The following HYCC2 variants were observed in gnomAD, a reference collection of about 807,000 sequenced individuals.
HYCC2 encodes hyccin 2.
At chr2:201,013,479 C>CAA in the HYCC2 span, among the ~76,000 whole-genome samples, 10 of 66,302 alleles carry the variant, frequency 1.5e-4, no homozygotes, top group East Asian at 4.5e-4. Context: ...CACTCCATTT[C>CAA]AAAAAAAAAA....
the HYCC2 span, chr2:201,011,500 T>C: frequency 3.4e-6 from 4 of 1,176,616 alleles, no homozygotes; most frequent in African/African-American, 1.8e-5. Context: ...ACAAAGATAA[T>C]GAAATAATCA....
At chr2:201,051,261 TC>T in the HYCC2 span, among the ~76,000 whole-genome samples, 2 of 152,092 alleles carry the variant, frequency 1.3e-5, no homozygotes, top group Non-Finnish European at 2.9e-5. Context: ...ATAGCAAGTA[TC>T]ACAATGGTAA....
At chr2:201,028,490 G>A in the HYCC2 span, among the ~76,000 whole-genome samples, 1 of 152,144 alleles carries the variant, frequency 6.6e-6, no homozygotes, top group African/African-American at 2.4e-5. Flanking sequence ...AACCAAAAAT[G>A]AGCCCATATT....
At chr2:201,014,143 T>C in the HYCC2 span, among the ~76,000 whole-genome samples, 1 of 152,240 alleles carries the variant, frequency 6.6e-6, no homozygotes, top group African/African-American at 2.4e-5. Context: ...CAACAACTTG[T>C]CAAACATGAC....
At chr2:201,017,041 T>C in the HYCC2 span, 3 of 1,614,144 alleles carry the variant, frequency 1.9e-6, no homozygotes, top group South Asian at 3.3e-5. Flanking sequence ...TTACTCTGTC[T>C]GTCTCGGCTA....
At chr2:200,999,575 C>A in the HYCC2 span, among the ~76,000 whole-genome samples, 6 of 150,806 alleles carry the variant, frequency 4.0e-5, no homozygotes, top group Non-Finnish European at 7.4e-5. Context: ...TTTTTAGTAG[C>A]GACAGGGTTT....
At chr2:201,056,759 T>G in the HYCC2 span, among the ~76,000 whole-genome samples, 1 of 151,456 alleles carries the variant, frequency 6.6e-6, no homozygotes, top group Non-Finnish European at 1.5e-5. Flanking sequence ...CTGTGGTAGA[T>G]GATAAAGTAG....
chr2:201,042,658 T>G, the HYCC2 span, among the ~76,000 whole-genome samples: 1 of 148,084 alleles, frequency 6.8e-6, no homozygotes, highest in African/African-American at 2.5e-5. Flanking sequence ...ATCCGGGAAG[T>G]GAGGAGCGTC....
chr2:201,055,455 T>C, the HYCC2 span, among the ~76,000 whole-genome samples: 1 of 151,094 alleles, frequency 6.6e-6, no homozygotes, highest in Non-Finnish European at 1.5e-5. Context: ...TCCCAGCACT[T>C]TGGGAGGCCG....
the HYCC2 span, among the ~76,000 whole-genome samples, chr2:201,069,214 T>C: frequency 6.6e-6 from 1 of 152,150 alleles, no homozygotes; most frequent in Non-Finnish European, 1.5e-5. Context: ...TAAATCTGAA[T>C]TGCATGTCAA....
At chr2:200,992,438 C>G in the HYCC2 span, 1 of 1,054,190 alleles carries the variant, frequency 9.5e-7, no homozygotes, top group Non-Finnish European at 1.5e-6. Flanking sequence ...TTAAATTGTT[C>G]CAAGTCCTGC....
the HYCC2 span, chr2:201,017,238 TAAGGCACC>T: frequency 1.8e-6 from 2 of 1,140,974 alleles, no homozygotes; most frequent in Non-Finnish European, 2.5e-6. Context: ...TTTTTTTTTT[TAAGGCACC>T]TATATCTGTA....
At chr2:201,036,697 C>G in the HYCC2 span, among the ~76,000 whole-genome samples, 58 of 152,252 alleles carry the variant, frequency 3.8e-4, no homozygotes, top group Middle Eastern at 3.4e-3. Context: ...ATTCAACAAC[C>G]CTTCATGCTA....
chr2:201,024,380 T>G, the HYCC2 span, among the ~76,000 whole-genome samples: 2 of 152,054 alleles, frequency 1.3e-5, no homozygotes, highest in Non-Finnish European at 2.9e-5. Flanking sequence ...TCCTAGTTAC[T>G]TGGTACCCAA....
chr2:200,993,327 A>C, the HYCC2 span, among the ~76,000 whole-genome samples: 1 of 152,194 alleles, frequency 6.6e-6, no homozygotes, highest in African/African-American at 2.4e-5. Context: ...AAAATGTCTA[A>C]CTTTTACTCA....
the HYCC2 span, among the ~76,000 whole-genome samples, chr2:201,054,121 G>A: frequency 2.0e-5 from 3 of 152,314 alleles, no homozygotes; most frequent in Admixed American, 6.5e-5. Context: ...TGTACCCAGT[G>A]CTATACGCAT....
the HYCC2 span, among the ~76,000 whole-genome samples, chr2:201,059,282 G>C: frequency 6.6e-6 from 1 of 152,108 alleles, no homozygotes; most frequent in Admixed American, 6.5e-5. Context: ...TGTTTCTCTG[G>C]AAAACCCTGA....
chr2:201,004,844 C>T, the HYCC2 span, among the ~76,000 whole-genome samples: 4 of 151,868 alleles, frequency 2.6e-5, no homozygotes, highest in East Asian at 5.8e-4. Flanking sequence ...AGTGAAACCC[C>T]GTCTCTACTA....
At chr2:201,037,660 A>G in the HYCC2 span, among the ~76,000 whole-genome samples, 2 of 152,368 alleles carry the variant, frequency 1.3e-5, no homozygotes, top group Admixed American at 1.3e-4. Context: ...TTTATTTAAT[A>G]AATGGTGCTG....
Sources: allele counts gnomAD v4.1 joint callset (sites outside exome capture counted in the v4.1 genomes callset), GRCh38; gene constraint gnomAD v4.1.1; transcripts MANE v1.5; gene names NCBI Gene and HGNC (gene_info 2026-07-23, HGNC 2026-07-21).